Variants in LARP4 observed in about 807,000 individuals in gnomAD.
LARP4 encodes la-related protein 4.
Under a neutral mutation model 92.9 loss-of-function variants are expected in LARP4, and 29 were observed. The ratio of observed to expected loss-of-function variants is 0.31; its 90% CI spans 0.23 to 0.43. LARP4 has a LOEUF of 0.43. Among genes scored for constraint, LARP4 ranks in the 20% least tolerant of loss-of-function variants. The pLI, the probability that LARP4 is intolerant of heterozygous loss-of-function variation, is 1.00. For missense variants in LARP4, 732 were observed against 860.0 expected, an observed-to-expected ratio of 0.85 and a Z score of 1.86; for synonymous variants, 279 against 284.1, an observed-to-expected ratio of 0.98 and a Z score of 0.18.
chr12:50,474,959 G>A (rs1234081694), intron 15 of LARP4, among the ~76,000 whole-genome samples: 1 of 152,180 alleles, frequency 6.6e-6, no homozygotes, highest in Non-Finnish European at 1.5e-5. Context: ...AGATTTAGAA[G>A]ACTATCTTCT....
rs1484064833 is a variant in LARP4, at chr12:50,475,852, A to C, written c.2163A>C (p.Arg721Ser). ...RNGKEQYVPPRSPK is the reference protein window; with the variant it reads ...RNGKEQYVPPSSPK ...GCAAAGAGCAATATGTGCCACCCAGATCACCAAAGTAAAAAACAACAAAAC... is the reference window on the plus strand; with the variant it reads ...GCAAAGAGCAATATGTGCCACCCAGCTCACCAAAGTAAAAAACAACAAAAC... Residue 721 changes from arginine to serine, a missense_variant, in exon 16 of 16, where the codon AGA becomes AGC. Physicochemically the swap from Arg to Ser is moderately radical, Grantham distance 110 (BLOSUM62 -1). Transcript: ENST00000398473. 144 of 1,611,244 alleles carry C rather than the reference A, an allele frequency of 8.9e-5. No individual in the cohort carries two copies. The highest frequency in any genetic ancestry group is 1.2e-4 in the Non-Finnish European group (144 of 1,178,750).
At chr12:50,422,728 TTA>T (rs1258288055) in intron 1 of LARP4, among the ~76,000 whole-genome samples, 2 of 150,562 alleles carry the variant, frequency 1.3e-5, no homozygotes, top group Admixed American at 1.3e-4. Flanking sequence ...TTGAATCATT[TTA>T]TATAGTCTCC....
intron 10 of LARP4, among the ~76,000 whole-genome samples, chr12:50,458,376 C>T (rs1359570671): frequency 1.3e-5 from 2 of 152,048 alleles, no homozygotes; most frequent in Admixed American, 1.3e-4. Context: ...GTGATGCACC[C>T]GCCTTGGCCT....
intron 5 of LARP4, among the ~76,000 whole-genome samples, chr12:50,437,401 G>T (rs182956338): frequency 6.6e-6 from 1 of 152,158 alleles, no homozygotes. Flanking sequence ...ACATCCATTT[G>T]TTATCTCCTC....
chr12:50,479,276 A>G lies in LARP4; in HGVS notation c.*3412A>G, dbSNP rs1957731692. On this transcript the variant is annotated 3_prime_UTR_variant, in exon 16 of 16. Coordinates refer to ENST00000398473, the MANE Select transcript of LARP4 (RefSeq NM_052879.5). ...AATATATATATTAACCATATTTTAA[A>G]AGTACCAATTTTGTTTTTACAGAAA... 6.6e-6 allele frequency: 1 copy of G among 152,638 alleles called. No homozygotes were observed. Among genetic ancestry groups the G allele is most frequent in the Non-Finnish European group, 1.5e-5 (1 of 68,032 alleles). 9.5% of individuals were successfully genotyped at this position (152,638 alleles called of 1,614,324 possible).
At position 50,474,111 on chromosome 12, in the gene LARP4, A is replaced by C. The variant is rs1957273823; in HGVS notation, c.1780A>C (p.Ser594Arg). The C allele has an allele frequency of 6.2e-7, 1 of 1,613,664 alleles. No homozygotes were observed. Among genetic ancestry groups the C allele is most frequent in the Non-Finnish European group, 8.5e-7 (1 of 1,179,898 alleles). The part of the protein sequence containing the change: ...PPSTTKPSRA[S>R]TASPCNNNIN... ...AAGTACTACAAAGCCATCGAGGGCA[A>C]GTACTGCTTCACCATGTAATAATAA... The change falls in exon 15 of 16, where the codon AGT (serine) becomes CGT (arginine). Residue 594 changes from serine to arginine, a missense_variant. Around this residue, in one of 7 missense-constraint regions of LARP4, gnomAD observed 97 missense variants for 85.9 expected, o/e 1.13. Transcript: ENST00000398473.
chr12:50,410,315 C>T (rs1945631401), intron 1 of LARP4, among the ~76,000 whole-genome samples: 1 of 151,600 alleles, frequency 6.6e-6, no homozygotes, highest in Non-Finnish European at 1.5e-5. Flanking sequence ...TCAAACGATC[C>T]TCCCATCTTG....
At chr12:50,459,820 A>G (rs11169433) in intron 10 of LARP4, among the ~76,000 whole-genome samples, 1 of 52,820 alleles carries the variant, frequency 1.9e-5, no homozygotes, top group Non-Finnish European at 5.0e-5. Context: ...AAGACTCCGT[A>G]TCAAAAAAAA....
At chr12:50,438,393 A>T (rs983811852) in intron 6 of LARP4, among the ~76,000 whole-genome samples, 2 of 151,684 alleles carry the variant, frequency 1.3e-5, no homozygotes, top group African/African-American at 4.8e-5. Flanking sequence ...GCTACTTGAG[A>T]GGCTGAGGCT....
intron 2 of LARP4, among the ~76,000 whole-genome samples, chr12:50,428,573 T>C (rs1302781740): frequency 6.6e-6 from 1 of 152,188 alleles, no homozygotes; most frequent in African/African-American, 2.4e-5. Flanking sequence ...TGCTATTTAC[T>C]CACTGTTCGA....
At chr12:50,443,426 A>G (rs1951541708) in intron 8 of LARP4, among the ~76,000 whole-genome samples, 1 of 151,822 alleles carries the variant, frequency 6.6e-6, no homozygotes, top group Non-Finnish European at 1.5e-5. Context: ...GCACACCATC[A>G]TGCCTGGCTA....
Position 50,427,769 on chromosome 12 carries a change from C to A in LARP4, c.26C>A (p.Ala9Glu). 1 of 1,554,622 alleles carries A rather than the reference C, an allele frequency of 6.4e-7. No homozygotes were observed. Among genetic ancestry groups the A allele is most frequent in the Non-Finnish European group, 8.7e-7 (1 of 1,143,174 alleles). ...GATCCTTCGATTATTTAGCAGGTAG[C>A]ATCTAAAGGAACTGGTTTAAATCCT... is the stretch of plus-strand genomic sequence containing the variant. MLLFVEQV[A>E]SKGTGLNPNA... Residue 9 changes from alanine (A) to glutamate (E), a missense_variant, in exon 2 of 16, where the codon GCA becomes GAA. Ala to Glu is a moderately radical substitution (Grantham distance 107, BLOSUM62 -1). Around this residue, in one of 7 missense-constraint regions of LARP4, gnomAD observed 236 missense variants for 307.6 expected, o/e 0.77. Coordinates refer to ENST00000398473, the MANE Select transcript of LARP4 (RefSeq NM_052879.5).
chr12:50,401,051 G>C, intron 1 of LARP4, 23 bp downstream of exon 1: 1 of 1,613,872 alleles, frequency 6.2e-7, no homozygotes, highest in Non-Finnish European at 8.5e-7. Flanking sequence ...TGCTAGTCTC[G>C]TCCTGCTCTT....
chr12:50,475,428 A>G, intron 15 of LARP4, 98 bp from the exon 16 acceptor site: 1 of 997,196 alleles, frequency 1.0e-6, no homozygotes, highest in Non-Finnish European at 1.5e-6. Context: ...TTTCTGGAAG[A>G]TAATCTGTGG....
At chr12:50,418,036 T>C (rs1213127353) in intron 1 of LARP4, among the ~76,000 whole-genome samples, 1 of 152,218 alleles carries the variant, frequency 6.6e-6, no homozygotes, top group Admixed American at 6.5e-5. Context: ...AATTTTTGTA[T>C]TTTTAGTAGA....
At chr12:50,436,123 ATGTG>A (rs1224429640) in intron 5 of LARP4, among the ~76,000 whole-genome samples, 20 of 113,172 alleles carry the variant, frequency 1.8e-4, no homozygotes, top group East Asian at 1.2e-3. Flanking sequence ...TGTGTGTGAT[ATGTG>A]TGTGTGTGTG....
intron 1 of LARP4, among the ~76,000 whole-genome samples, chr12:50,423,984 G>A (rs1948313453): frequency 6.6e-6 from 1 of 151,932 alleles, no homozygotes; most frequent in Admixed American, 6.6e-5. Flanking sequence ...TTGAACTCCT[G>A]ACCTCAGGTC....
At chr12:50,434,966 TGAACCCGGAAGGC>T in intron 4 of LARP4, among the ~76,000 whole-genome samples, 1 of 152,286 alleles carries the variant, frequency 6.6e-6, no homozygotes. Context: ...GAGAATTACT[TGAACCCGGAAGGC>T]AGAGCTTGCA....
intron 5 of LARP4, among the ~76,000 whole-genome samples, chr12:50,437,405 T>C (rs1456062109): frequency 1.3e-5 from 2 of 151,740 alleles, no homozygotes; most frequent in Admixed American, 6.6e-5. Flanking sequence ...CCATTTGTTA[T>C]CTCCTCAATG....
Sources: allele counts gnomAD v4.1 joint callset (sites outside exome capture counted in the v4.1 genomes callset), GRCh38; gene constraint gnomAD v4.1.1; regional missense constraint gnomAD v4.1.1; transcripts MANE v1.5; gene names NCBI Gene and HGNC (gene_info 2026-07-23, HGNC 2026-07-21).